Variants in UBA6 observed in about 807,000 individuals in gnomAD.
UBA6 encodes the protein ubiquitin-like modifier-activating enzyme 6.
Under a neutral mutation model 148.3 loss-of-function variants are expected in UBA6, and 87 were observed. That is an observed-to-expected ratio of 0.59 (90% CI 0.49 to 0.70). UBA6 has a LOEUF of 0.70. UBA6 is among the 30% of genes least tolerant of loss of function. The pLI, the probability that UBA6 is intolerant of heterozygous loss-of-function variation, is 0.00. For synonymous variants in UBA6, 376 were observed against 401.0 expected (o/e 0.94, Z 0.75); for missense variants, 1,186 against 1,241.2 (o/e 0.96, Z 0.67).
chr4:67,642,679 T>G (rs1729335105), intron 17 of UBA6, among the ~76,000 whole-genome samples: 2 of 152,134 alleles, frequency 1.3e-5, no homozygotes, highest in South Asian at 4.1e-4. Flanking sequence ...TATCTTCTAT[T>G]TATTGCTGAC....
chr4:67,656,101 C>T (rs1433089440), intron 13 of UBA6, among the ~76,000 whole-genome samples: 5 of 152,144 alleles, frequency 3.3e-5, no homozygotes, highest in African/African-American at 4.8e-5. Flanking sequence ...CCGAATTCTA[C>T]CAGAGGTACA....
At chr4:67,688,769 A>G (rs1216498691) in intron 2 of UBA6, among the ~76,000 whole-genome samples, 2 of 152,168 alleles carry the variant, frequency 1.3e-5, no homozygotes, top group Non-Finnish European at 2.9e-5. Context: ...AAAACATCTT[A>G]GTTGATATTT....
intron 4 of UBA6, among the ~76,000 whole-genome samples, chr4:67,679,942 T>C (rs1022977116): frequency 6.6e-6 from 1 of 152,098 alleles, no homozygotes; most frequent in African/African-American, 2.4e-5. Flanking sequence ...GATGGAACAA[T>C]CTGAGCATCA....
At chr4:67,650,663 A>G (rs891024779) in intron 13 of UBA6, among the ~76,000 whole-genome samples, 11 of 152,208 alleles carry the variant, frequency 7.2e-5, no homozygotes, top group African/African-American at 2.7e-4. Context: ...TGGATTTCAC[A>G]TTGTTACAAT....
chr4:67,642,699 A>T (rs1414787498), intron 17 of UBA6, among the ~76,000 whole-genome samples: 3 of 152,078 alleles, frequency 2.0e-5, no homozygotes, highest in African/African-American at 7.2e-5. Context: ...CGAAAAGTCT[A>T]TTATGCAATC....
At chr4:67,665,627 TATA>T (rs976467565) in intron 9 of UBA6, among the ~76,000 whole-genome samples, 14 of 151,794 alleles carry the variant, frequency 9.2e-5, no homozygotes, top group African/African-American at 3.4e-4. Context: ...ATCATAATAA[TATA>T]ATATGGTACT....
chr4:67,645,706 A>G (rs1274257227), intron 16 of UBA6, among the ~76,000 whole-genome samples: 1 of 152,190 alleles, frequency 6.6e-6, no homozygotes, highest in African/African-American at 2.4e-5. Context: ...TAATTTTTGA[A>G]ATTATCATAC....
At chr4:67,639,912 C>G (rs912301470) in intron 18 of UBA6, among the ~76,000 whole-genome samples, 1 of 152,150 alleles carries the variant, frequency 6.6e-6, no homozygotes, top group African/African-American at 2.4e-5. Context: ...TTGACCATGG[C>G]TAACTGAAAC....
intron 2 of UBA6, among the ~76,000 whole-genome samples, chr4:67,687,299 G>A (rs960156519): frequency 1.3e-5 from 2 of 152,056 alleles, no homozygotes; most frequent in Non-Finnish European, 2.9e-5. Context: ...CTCCCAAAGT[G>A]CTGGGATTAC....
intron 7 of UBA6, among the ~76,000 whole-genome samples, chr4:67,672,897 A>G (rs1434375104): frequency 6.6e-6 from 1 of 152,148 alleles, no homozygotes; most frequent in African/African-American, 2.4e-5. Flanking sequence ...CCTTCTCCCT[A>G]CATCATGCAG....
At chr4:67,628,805 C>T (rs766759952) in intron 27 of UBA6, among the ~76,000 whole-genome samples, 1 of 151,866 alleles carries the variant, frequency 6.6e-6, no homozygotes, top group Non-Finnish European at 1.5e-5. Flanking sequence ...TTAATACCCA[C>T]AATGATATAG....
chr4:67,645,896 T>C (rs751949609), intron 16 of UBA6, 42 bp downstream of exon 16: 4 of 1,231,710 alleles, frequency 3.2e-6, no homozygotes, highest in Admixed American at 1.9e-5. Context: ...TGATATACGA[T>C]AGCAGTTTGA....
At position 67,630,529 on chromosome 4, in the gene UBA6, G is replaced by T; in HGVS notation, c.2265C>A (p.Leu755=). ...IKFDLNEPLH[L]SFLQNAAKLY... Reference sequence around the variant, plus strand: ...GTTTTGCAGCATTCTGAAGGAAACTGAGGTGCCTTTTGAAATTAAAAAATA... The same window carrying T: ...GTTTTGCAGCATTCTGAAGGAAACTTAGGTGCCTTTTGAAATTAAAAAATA... The change falls in exon 26 of 33, where the codon CTC becomes CTA. Residue 755 remains leucine (L), a synonymous_variant. Coordinates refer to ENST00000322244, the MANE Select transcript of UBA6 (RefSeq NM_018227.6). 6.4e-7 allele frequency: 1 copy of T among 1,573,992 alleles called. No homozygotes were observed. Among genetic ancestry groups the T allele is most frequent in the South Asian group, 1.2e-5 (1 of 84,308 alleles).
At chr4:67,630,598 A>G (rs1728975280) in intron 25 of UBA6, 63 bp from the exon 26 acceptor site, 3 of 954,122 alleles carry the variant, frequency 3.1e-6, no homozygotes. Context: ...TATTTAACTC[A>G]TTATGAACTA....
At position 67,625,178 on chromosome 4, in the gene UBA6, T is replaced by G; in HGVS notation, c.2528A>C (p.Gln843Pro). 1.2e-6 allele frequency: 2 copies of G among 1,607,964 alleles called. No individual in the cohort carries two copies. The highest frequency in any genetic ancestry group is 1.7e-6 in the Non-Finnish European group (2 of 1,177,494). The change falls in exon 29 of 33, where the codon CAG (glutamine) becomes CCG (proline). Residue 843 changes from glutamine to proline, a missense_variant. By Grantham distance (76) the Gln-to-Pro change is moderately conservative. Transcript: ENST00000322244. ...TTTTTCAAATGAAAGCACTGCCATC[T>G]GAAGGTCACCTGATTATACCAACCA... ...LSNEATKSDLQMAVLSFEKDD... is the reference protein window; with the variant it reads ...LSNEATKSDLPMAVLSFEKDD...
Position 67,623,196 on chromosome 4 carries a change from T to A in UBA6, c.2867A>T (p.Asp956Val), listed in dbSNP as rs1215165617. The A allele has an allele frequency of 1.2e-6, 2 of 1,612,380 alleles. No homozygotes were observed. The highest frequency in any genetic ancestry group is 1.7e-6 in the Non-Finnish European group (2 of 1,178,916). The change falls in exon 31 of 33, where the codon GAT (aspartate) becomes GTT (valine). Residue 956 changes from aspartate to valine, a missense_variant. Coordinates refer to ENST00000322244, the MANE Select transcript of UBA6 (RefSeq NM_018227.6). ...IRNGISFTIW[D>V]RWTVHGKEDF... ...TTCTTTTCCATGTACGGTCCATCGATCCCAAATTGTAAATGATATTCCATT... is the reference window on the plus strand; with the variant it reads ...TTCTTTTCCATGTACGGTCCATCGAACCCAAATTGTAAATGATATTCCATT...
rs747888466 is a variant in UBA6 at position 67,649,126 on chromosome 4, A to G, written c.1190T>C (p.Val397Ala). 6.2e-7 allele frequency: 1 copy of G among 1,614,148 alleles called. No homozygotes were observed. The highest frequency in any genetic ancestry group is 1.7e-5 in the Admixed American group (1 of 60,022). Residue 397 changes from valine (V) to alanine (A), a missense_variant, in exon 14 of 33, where the codon GTT (valine) becomes GCT (alanine). Coordinates refer to ENST00000322244, the MANE Select transcript of UBA6 (RefSeq NM_018227.6). Reference sequence around the variant, plus strand: ...AGCTTTCAATACTTCTTGGCTGGCAACACCTCCTACTGCTGCAGCAAGTGG... The same window carrying G: ...AGCTTTCAATACTTCTTGGCTGGCAGCACCTCCTACTGCTGCAGCAAGTGG... ...LSPLAAAVGG[V>A]ASQEVLKAVT...
chr4:67,656,331 CATG>C (rs1278061662), intron 13 of UBA6, among the ~76,000 whole-genome samples: 1 of 152,216 alleles, frequency 6.6e-6, no homozygotes, highest in African/African-American at 2.4e-5. Context: ...GCTTATCCAA[CATG>C]ATCAACTCGG....
At chr4:67,652,966 C>T (rs754093787) in intron 13 of UBA6, among the ~76,000 whole-genome samples, 1 of 152,160 alleles carries the variant, frequency 6.6e-6, no homozygotes, top group Non-Finnish European at 1.5e-5. Flanking sequence ...TGCAGCCTGG[C>T]GGGCATACAG....
Sources: gnomAD v4.1 joint callset for allele counts (sites outside exome capture counted in the v4.1 genomes callset) on GRCh38, gnomAD v4.1.1 for gene constraint, MANE v1.5 for transcripts, NCBI Gene and HGNC (gene_info 2026-07-23, HGNC 2026-07-21) for gene names.